Variants in DISC1 observed in about 807,000 individuals in gnomAD.
DISC1 encodes the protein disrupted in schizophrenia 1 protein.
In DISC1, 57 loss-of-function variants were observed where a neutral mutation model predicts 84.5. The ratio of observed to expected loss-of-function variants is 0.67; its 90% CI spans 0.55 to 0.84. The LOEUF is 0.84. DISC1 is among the 40% of genes least tolerant of loss of function. DISC1 has a pLI of 0.00. For synonymous variants in DISC1, 411 were observed against 415.2 expected (o/e 0.99, Z 0.12); for missense variants, 1,000 against 1,057.8 (o/e 0.95, Z 0.76).
chr1:231,861,452 GTTTTTT>G (rs59522401), intron 9 of DISC1, among the ~76,000 whole-genome samples: 7 of 88,984 alleles, frequency 7.9e-5, no homozygotes, highest in African/African-American at 1.9e-4. Flanking sequence ...ATTTTGACAA[GTTTTTT>G]TTTTTTTTTT....
intron 10 of DISC1, among the ~76,000 whole-genome samples, chr1:231,996,192 GT>G (rs561528589): frequency 2.3e-3 from 355 of 152,128 alleles, no homozygotes; most frequent in African/African-American, 8.0e-3. Context: ...GGGGTTGTTT[GT>G]TTTTTTCTTG....
chr1:231,920,516 G>A (rs1336847809), intron 9 of DISC1, among the ~76,000 whole-genome samples: 2 of 152,182 alleles, frequency 1.3e-5, no homozygotes, highest in Non-Finnish European at 2.9e-5. Context: ...GAATCATACA[G>A]TATTTGCCCT....
chr1:231,797,298 A>C (rs1397124430), intron 7 of DISC1, among the ~76,000 whole-genome samples: 2 of 152,206 alleles, frequency 1.3e-5, no homozygotes, highest in African/African-American at 2.4e-5. Flanking sequence ...CTACTATTAA[A>C]GATCTTAGAT....
At chr1:231,720,499 T>C (rs2069511090) in intron 3 of DISC1, among the ~76,000 whole-genome samples, 1 of 151,950 alleles carries the variant, frequency 6.6e-6, no homozygotes, top group South Asian at 2.1e-4. Flanking sequence ...CCACCACACT[T>C]GGCTAATTTT....
chr1:232,002,164 G>C (rs1303766637), intron 10 of DISC1, among the ~76,000 whole-genome samples: 1 of 151,940 alleles, frequency 6.6e-6, no homozygotes, highest in East Asian at 1.9e-4. Context: ...GGAAATTGAA[G>C]CTGCAATGAG....
intron 3 of DISC1, among the ~76,000 whole-genome samples, chr1:231,712,188 A>G (rs2067961838): frequency 1.3e-5 from 2 of 152,258 alleles, no homozygotes. Context: ...GAGGGAATAC[A>G]GTCTGTCAAT....
chr1:231,738,411 A>G (rs550177787), intron 3 of DISC1, among the ~76,000 whole-genome samples: 3 of 152,288 alleles, frequency 2.0e-5, no homozygotes, highest in Middle Eastern at 3.4e-3. Flanking sequence ...TCTGTCTTCC[A>G]TGTCCTTGAA....
intron 1 of DISC1, among the ~76,000 whole-genome samples, chr1:231,654,573 T>C (rs2060905894): frequency 6.6e-6 from 1 of 152,180 alleles, no homozygotes; most frequent in African/African-American, 2.4e-5. Context: ...TTATTCCTTC[T>C]GTCTAACTGA....
At chr1:231,730,009 G>T (rs956961140) in intron 3 of DISC1, among the ~76,000 whole-genome samples, 2 of 152,168 alleles carry the variant, frequency 1.3e-5, no homozygotes, top group Non-Finnish European at 2.9e-5. Flanking sequence ...AAACAATTAT[G>T]TCTTAAAAGA....
At chr1:231,867,871 A>G (rs981161142) in intron 9 of DISC1, among the ~76,000 whole-genome samples, 1 of 152,254 alleles carries the variant, frequency 6.6e-6, no homozygotes, top group Admixed American at 6.5e-5. Context: ...CTGAATCATC[A>G]GCTTGGTTAA....
At chr1:231,723,322 A>G in intron 3 of DISC1, 1 of 985,948 alleles carries the variant, frequency 1.0e-6, no homozygotes, top group Non-Finnish European at 1.2e-6. Flanking sequence ...AACTGCAGGC[A>G]GAACATCTGG....
chr1:231,855,958 A>G (rs2084238962), intron 9 of DISC1, among the ~76,000 whole-genome samples: 1 of 152,242 alleles, frequency 6.6e-6, no homozygotes. Flanking sequence ...TGGCACTTTG[A>G]ACATGAAAGT....
At chr1:231,753,597 C>T (rs2074836559) in intron 4 of DISC1, among the ~76,000 whole-genome samples, 1 of 152,196 alleles carries the variant, frequency 6.6e-6, no homozygotes, top group Non-Finnish European at 1.5e-5. Context: ...GAGGCCTTTT[C>T]CCCATTGTCT....
At chr1:231,696,942 GT>G (rs2065788689) in intron 2 of DISC1, among the ~76,000 whole-genome samples, 1 of 152,208 alleles carries the variant, frequency 6.6e-6, no homozygotes, top group Non-Finnish European at 1.5e-5. Flanking sequence ...TTGAGTATCT[GT>G]TGTGTGACAG....
At chr1:232,006,546 GC>G (rs1667466473) in intron 10 of DISC1, among the ~76,000 whole-genome samples, 1 of 152,152 alleles carries the variant, frequency 6.6e-6, no homozygotes. Flanking sequence ...AAATGTCTAA[GC>G]AGCAAAGCAT....
intron 3 of DISC1, among the ~76,000 whole-genome samples, chr1:231,748,091 T>C (rs2812384): frequency 0.66 from 99,709 of 152,092 alleles, 34,843 homozygotes; most frequent in Non-Finnish European, 0.78. Context: ...TTTTGTATCC[T>C]GCAACTTCAC....
At chr1:231,889,501 A>G (rs1027566787) in intron 9 of DISC1, among the ~76,000 whole-genome samples, 6 of 152,236 alleles carry the variant, frequency 3.9e-5, no homozygotes, top group African/African-American at 1.2e-4. Flanking sequence ...ACTAGACAGT[A>G]TGTTTGGTGA....
chr1:231,858,745 G>A (rs765616516), intron 9 of DISC1, among the ~76,000 whole-genome samples: 4 of 152,256 alleles, frequency 2.6e-5, no homozygotes, highest in Non-Finnish European at 5.9e-5. Context: ...GGGGAGTGCT[G>A]TAGAAGTTTC....
chr1:231,661,346 G>C (rs2125372790), intron 1 of DISC1, among the ~76,000 whole-genome samples: 1 of 152,204 alleles, frequency 6.6e-6, no homozygotes, highest in East Asian at 1.9e-4. Context: ...TTTCCAACTT[G>C]GTTCCATTCT....
Sources: allele counts gnomAD v4.1 joint callset (sites outside exome capture counted in the v4.1 genomes callset), GRCh38; gene constraint gnomAD v4.1.1; transcripts MANE v1.5; gene names NCBI Gene and HGNC (gene_info 2026-07-23, HGNC 2026-07-21).